BARD1: variants seen among roughly 807,000 people sequenced by gnomAD.
The protein encoded by BARD1 is BRCA1-associated RING domain protein 1.
A neutral mutation model predicts 77.0 loss-of-function variants in BARD1; 73 were observed. The observed-to-expected ratio is 0.95, with a 90% CI of 0.79 to 1.15. The LOEUF is 1.15. Among genes scored for constraint, BARD1 ranks in the 50% most tolerant of loss-of-function variants. The pLI, the probability that BARD1 is intolerant of heterozygous loss-of-function variation, is 0.00. For missense variants in BARD1, 993 were observed against 938.8 expected (o/e 1.06, Z -0.75); for synonymous variants, 384 against 338.0 (o/e 1.14, Z -1.49).
At chr2:214,748,181 T>C (rs1402638506) in intron 7 of BARD1, among the ~76,000 whole-genome samples, 2 of 152,208 alleles carry the variant, frequency 1.3e-5, no homozygotes, top group Non-Finnish European at 2.9e-5. Flanking sequence ...TTTCCTATCA[T>C]ACTTTTAAAA....
chr2:214,751,119 A>G (rs1055087833), intron 7 of BARD1, among the ~76,000 whole-genome samples: 712 of 14,560 alleles, frequency 0.049, 4 homozygotes, highest in African/African-American at 0.088. Flanking sequence ...GTGTGTGTGT[A>G]TATATATATA....
chr2:214,783,194 T>C (rs1246510386), intron 3 of BARD1, among the ~76,000 whole-genome samples: 1 of 152,160 alleles, frequency 6.6e-6, no homozygotes, highest in East Asian at 1.9e-4. Context: ...ATTTTCCATC[T>C]GCATTTGACC....
intron 3 of BARD1, among the ~76,000 whole-genome samples, chr2:214,785,964 C>T (rs999096787): frequency 6.6e-6 from 1 of 151,794 alleles, no homozygotes; most frequent in African/African-American, 2.4e-5. Flanking sequence ...GAAAAAGAAA[C>T]TACCCAAATT....
chr2:214,787,252 A>C (rs1430716552), intron 3 of BARD1, among the ~76,000 whole-genome samples: 1 of 151,930 alleles, frequency 6.6e-6, no homozygotes, highest in East Asian at 1.9e-4. Flanking sequence ...AAAAAGAAGA[A>C]ATTTCATACT....
chr2:214,807,965 A>G (rs1696352552), intron 1 of BARD1, among the ~76,000 whole-genome samples: 2 of 152,202 alleles, frequency 1.3e-5, no homozygotes, highest in Non-Finnish European at 2.9e-5. Flanking sequence ...CTACAGGAAA[A>G]CAAACACACA....
chr2:214,757,051 C>T (rs527935061), intron 6 of BARD1, among the ~76,000 whole-genome samples: 2 of 152,100 alleles, frequency 1.3e-5, no homozygotes, highest in African/African-American at 2.4e-5. Context: ...GCTCTGACCA[C>T]GTAAGATGTG....
At chr2:214,804,993 T>C (rs988185562) in intron 1 of BARD1, among the ~76,000 whole-genome samples, 1 of 152,094 alleles carries the variant, frequency 6.6e-6, no homozygotes, top group Non-Finnish European at 1.5e-5. Context: ...AAACCCCGTG[T>C]CTACTAAAAA....
At chr2:214,740,803 T>C (rs1049442848) in intron 9 of BARD1, among the ~76,000 whole-genome samples, 1 of 152,082 alleles carries the variant, frequency 6.6e-6, no homozygotes, top group Non-Finnish European at 1.5e-5. Context: ...ACTGGGACTA[T>C]TAGATCAAAG....
chr2:214,774,008 T>C lies in BARD1; in HGVS notation c.1315-4696A>G, dbSNP rs756846527. ...GTGTTCACAACATCTTCACCAGAAG[T>C]AGATTCCATCTGCAGAAACCACTTT... On this transcript the variant is annotated intron_variant, in intron 4 of 10. Transcript: ENST00000260947. Among the ~76,000 whole-genome samples the C allele has an allele frequency of 1.8e-4, 28 of 152,228 alleles. 1 individual carries two copies. The highest frequency in any genetic ancestry group is 3.7e-4 in the Non-Finnish European group (25 of 68,036).
rs886055599 is a variant in BARD1 at position 214,767,647 on chromosome 2, G to C, written c.1403C>G (p.Ala468Gly). The C allele has an allele frequency of 6.2e-7, 1 of 1,613,924 alleles. No individual in the cohort carries two copies. Among genetic ancestry groups the C allele is most frequent in the Non-Finnish European group, 8.5e-7 (1 of 1,179,898 alleles). ...DHAGWTPLHEACNHGHLKVVE... is the reference protein window; with the variant it reads ...DHAGWTPLHEGCNHGHLKVVE... The stretch of plus-strand genomic sequence containing the variant: ...TACCTTCAGGTGCCCATGATTGCAA[G>C]CTTCATGCTAATTAAATTTTTTGAA... Residue 468 changes from alanine (A) to glycine (G), a missense_variant, in exon 6 of 11, where the codon GCT (alanine) becomes GGT (glycine). Ala to Gly is a moderately conservative substitution (Grantham distance 60). Transcript: ENST00000260947.
chr2:214,736,228 G>C (rs189893766), intron 9 of BARD1, among the ~76,000 whole-genome samples: 52 of 151,864 alleles, frequency 3.4e-4, no homozygotes, highest in Non-Finnish European at 1.3e-4. Flanking sequence ...TCTTGACTGG[G>C]TCAAAATACC....
Position 214,745,844 on chromosome 2 carries a change from C to T in BARD1, c.1688G>A (p.Gly563Glu), listed in dbSNP as rs1693088188. The stretch of plus-strand genomic sequence containing the variant: ...TACAAGAGGTCCATCCCTACGCTGC[C>T]CAGTGTTCATCTGTTAATATAAAAG... ...SASHCSVMNT[G>E]QRRDGPLVLI... Residue 563 changes from glycine to glutamate, a missense_variant, in exon 8 of 11, where the codon GGG becomes GAG. Transcript: ENST00000260947. The T allele has an allele frequency of 6.2e-7, 1 of 1,613,992 alleles. No homozygotes were observed. Among genetic ancestry groups the T allele is most frequent in the Non-Finnish European group, 8.5e-7 (1 of 1,179,972 alleles).
intron 9 of BARD1, among the ~76,000 whole-genome samples, chr2:214,741,832 T>C (rs1225030188): frequency 1.3e-5 from 2 of 152,168 alleles, no homozygotes; most frequent in African/African-American, 4.8e-5. Flanking sequence ...ATAAACAATG[T>C]AGGAAAATAA....
intron 3 of BARD1, 95 bp from the exon 4 acceptor site, chr2:214,781,604 TATC>T (rs1695042715): frequency 4.4e-6 from 4 of 912,584 alleles, no homozygotes; most frequent in Non-Finnish European, 6.7e-6. Flanking sequence ...CCCTAAAGTG[TATC>T]ATCTTTTAAT....
At chr2:214,763,585 A>G (rs1694058224) in intron 6 of BARD1, among the ~76,000 whole-genome samples, 2 of 152,204 alleles carry the variant, frequency 1.3e-5, no homozygotes, top group South Asian at 2.1e-4. Context: ...TCAATCAGCC[A>G]AAGTAGCAAA....
chr2:214,765,497 C>T (rs1192545363), intron 6 of BARD1, among the ~76,000 whole-genome samples: 10 of 152,146 alleles, frequency 6.6e-5, no homozygotes, highest in Non-Finnish European at 1.5e-5. Context: ...ATTAACCTGC[C>T]TGAAGCTATA....
At chr2:214,794,592 T>TTA (rs1695674562) in intron 2 of BARD1, among the ~76,000 whole-genome samples, 4 of 152,206 alleles carry the variant, frequency 2.6e-5, no homozygotes, top group African/African-American at 4.8e-5. Context: ...TTAATTTTTT[T>TTA]AAAAAGTCTC....
chr2:214,772,879 G>T (rs904797549), intron 4 of BARD1, among the ~76,000 whole-genome samples: 3 of 152,160 alleles, frequency 2.0e-5, no homozygotes, highest in Non-Finnish European at 4.4e-5. Flanking sequence ...TTTGATTCTG[G>T]CTTCTTTAAA....
intron 2 of BARD1, among the ~76,000 whole-genome samples, chr2:214,794,590 T>TTC (rs1695674305): frequency 6.6e-6 from 1 of 152,216 alleles, no homozygotes; most frequent in Non-Finnish European, 1.5e-5. Flanking sequence ...AATTAATTTT[T>TTC]TTAAAAAGTC....
Sources: gnomAD v4.1 joint callset for allele counts (sites outside exome capture counted in the v4.1 genomes callset) on GRCh38, gnomAD v4.1.1 for gene constraint, MANE v1.5 for transcripts, NCBI Gene and HGNC (gene_info 2026-07-23, HGNC 2026-07-21) for gene names.